Variants in NCOA2 observed in about 807,000 individuals in gnomAD.
The protein encoded by NCOA2 is class E basic helix-loop-helix protein 75.
In NCOA2, 21 loss-of-function variants were observed where a neutral mutation model predicts 145.1. That is an observed-to-expected ratio of 0.14 (90% CI 0.10 to 0.21). The LOEUF is 0.21. NCOA2 is among the 10% of genes least tolerant of loss of function. The pLI, the probability that NCOA2 is intolerant of heterozygous loss-of-function variation, is 1.00. For missense variants in NCOA2, 1,472 were observed against 1,837.6 expected (o/e 0.80, Z 3.64); for synonymous variants, 619 against 637.5 (o/e 0.97, Z 0.44).
At position 70,354,793 on chromosome 8, in the gene NCOA2, GA is replaced by G. The variant is rs1215191921; in HGVS notation, c.-77+48906del. ...AATATGTTTGCATAATAACAATCTT[GA>G]AAAAATGGCAGAACTTCACTTAAGC... On this transcript the variant is annotated intron_variant, in intron 1 of 22. Transcript: ENST00000452400. Among the ~76,000 whole-genome samples, 3 of 152,148 alleles carry G rather than the reference GA, an allele frequency of 2.0e-5. No homozygotes were observed. In the East Asian group the frequency reaches 5.8e-4, roughly 29 times the overall value.
At chr8:70,437,495 T>TA in the NCOA2 span, among the ~76,000 whole-genome samples, 1 of 152,240 alleles carries the variant, frequency 6.6e-6, no homozygotes, top group African/African-American at 2.4e-5. Context: ...TGGAAACTGA[T>TA]AAAAAATCTG....
At chr8:70,243,548 A>C (rs1822339677) in intron 2 of NCOA2, among the ~76,000 whole-genome samples, 2 of 152,108 alleles carry the variant, frequency 1.3e-5, no homozygotes, top group Non-Finnish European at 2.9e-5. Context: ...AATTATTACA[A>C]AAGTCTTGGC....
At chr8:70,121,238 T>TG (rs1339118267) in intron 22 of NCOA2, 64 bp downstream of exon 22, 2 of 1,329,902 alleles carry the variant, frequency 1.5e-6, no homozygotes, top group Non-Finnish European at 2.1e-6. Context: ...ATGCCACTTT[T>TG]GGTCTATCAA....
intron 2 of NCOA2, among the ~76,000 whole-genome samples, chr8:70,264,666 T>C (rs959839599): frequency 3.3e-5 from 5 of 152,312 alleles, no homozygotes; most frequent in East Asian, 3.9e-4. Flanking sequence ...GTCATATCTA[T>C]GTAAGGTATC....
the NCOA2 span, among the ~76,000 whole-genome samples, chr8:70,456,254 C>G: frequency 3.3e-5 from 5 of 152,196 alleles, no homozygotes; most frequent in South Asian, 1.0e-3. Context: ...CTTCGAGGAA[C>G]TTTTCTAAAG....
At chr8:70,354,986 T>A (rs1367981986) in intron 1 of NCOA2, among the ~76,000 whole-genome samples, 1 of 152,230 alleles carries the variant, frequency 6.6e-6, no homozygotes, top group Non-Finnish European at 1.5e-5. Flanking sequence ...CAGATGTTGG[T>A]CCTCGAATGT....
At chr8:70,374,424 A>G (rs1811484961) in intron 1 of NCOA2, among the ~76,000 whole-genome samples, 1 of 151,806 alleles carries the variant, frequency 6.6e-6, no homozygotes, top group Non-Finnish European at 1.5e-5. Context: ...ATGAGCTAAG[A>G]TCACGCCACA....
chr8:70,416,176 G>A, the NCOA2 span, among the ~76,000 whole-genome samples: 2 of 150,228 alleles, frequency 1.3e-5, no homozygotes, highest in African/African-American at 4.9e-5. Context: ...CTTCCTTCTT[G>A]GGGGACCTCA....
At chr8:70,450,360 C>T in the NCOA2 span, among the ~76,000 whole-genome samples, 1 of 152,152 alleles carries the variant, frequency 6.6e-6, no homozygotes, top group African/African-American at 2.4e-5. Context: ...CACTAACTAG[C>T]CCCTTTTACC....
At chr8:70,346,212 T>A (rs1228702569) in intron 1 of NCOA2, among the ~76,000 whole-genome samples, 1 of 152,222 alleles carries the variant, frequency 6.6e-6, no homozygotes, top group African/African-American at 2.4e-5. Flanking sequence ...GTGTATCTCC[T>A]TCTTTGAAGC....
chr8:70,259,946 A>G (rs1358409179), intron 2 of NCOA2, among the ~76,000 whole-genome samples: 1 of 152,232 alleles, frequency 6.6e-6, no homozygotes, highest in Non-Finnish European at 1.5e-5. Context: ...TGTTAAACAC[A>G]AGGGTTATTA....
At chr8:70,243,282 T>G (rs1007336944) in intron 2 of NCOA2, among the ~76,000 whole-genome samples, 19 of 152,198 alleles carry the variant, frequency 1.2e-4, no homozygotes, top group Admixed American at 3.3e-4. Flanking sequence ...CAGTTAAAAC[T>G]ACCATCCAAA....
chr8:70,155,040 T>C (rs1379437140), intron 11 of NCOA2, among the ~76,000 whole-genome samples: 1 of 152,230 alleles, frequency 6.6e-6, no homozygotes, highest in Admixed American at 6.5e-5. Context: ...CATAAATATA[T>C]ACAATTTTAA....
chr8:70,216,565 T>C, intron 3 of NCOA2, 95 bp downstream of exon 3: 4 of 1,020,350 alleles, frequency 3.9e-6, no homozygotes, highest in Non-Finnish European at 4.6e-6. Flanking sequence ...AACTCAATAT[T>C]TGAATCAGCA....
chr8:70,399,290 C>T (rs1813998788), intron 1 of NCOA2, among the ~76,000 whole-genome samples: 1 of 152,108 alleles, frequency 6.6e-6, no homozygotes. Flanking sequence ...ACACAAACAC[C>T]TAGAACACAA....
chr8:70,348,994 T>TG (rs561050426), intron 1 of NCOA2, among the ~76,000 whole-genome samples: 186 of 103,788 alleles, frequency 1.8e-3, no homozygotes, highest in African/African-American at 6.5e-3. Flanking sequence ...ATTGAAAATG[T>TG]GGGGGGCATG....
At chr8:70,370,183 C>G (rs568873517) in intron 1 of NCOA2, among the ~76,000 whole-genome samples, 18 of 152,224 alleles carry the variant, frequency 1.2e-4, no homozygotes, top group African/African-American at 4.3e-4. Context: ...CCGTGCCCAG[C>G]CTTTAAACTA....
chr8:70,311,639 A>G (rs898192146), intron 1 of NCOA2, among the ~76,000 whole-genome samples: 4 of 152,206 alleles, frequency 2.6e-5, no homozygotes, highest in African/African-American at 7.2e-5. Context: ...CAGACAGCTC[A>G]TTGTTCTCTT....
chr8:70,388,170 A>G (rs963938001), intron 1 of NCOA2, among the ~76,000 whole-genome samples: 3 of 151,096 alleles, frequency 2.0e-5, no homozygotes, highest in Non-Finnish European at 4.4e-5. Context: ...AAAAACTGAA[A>G]AGGAAGCAAA....
Sources: allele counts gnomAD v4.1 joint callset (sites outside exome capture counted in the v4.1 genomes callset), GRCh38; gene constraint gnomAD v4.1.1; transcripts MANE v1.5; gene names NCBI Gene and HGNC (gene_info 2026-07-23, HGNC 2026-07-21).